Variants in SNX29 observed in about 807,000 individuals in gnomAD.
SNX29 encodes the protein sorting nexin 29, also known as sorting nexin-29.
In SNX29, 78 loss-of-function variants were observed where a neutral mutation model predicts 102.1. The ratio of observed to expected loss-of-function variants is 0.76; its 90% CI spans 0.64 to 0.92. The LOEUF is 0.92. SNX29 is among the 40% of genes least tolerant of loss of function. The pLI is 0.00. For synonymous variants in SNX29, 580 were observed against 414.5 expected (o/e 1.40, Z -4.85); for missense variants, 1,280 against 1,061.7 (o/e 1.21, Z -2.86).
chr16:12,235,070 C>G (rs555027323), intron 14 of SNX29, among the ~76,000 whole-genome samples: 1 of 152,224 alleles, frequency 6.6e-6, no homozygotes, highest in East Asian at 1.9e-4. Context: ...CTGTCTCTGT[C>G]CTGCCCTTAT....
Position 12,572,456 on chromosome 16 carries a change from A to C in SNX29, c.*3827A>C, listed in dbSNP as rs1367088221. ...TGCCTCTCTTGGTTCTGCATGGTAC[A>C]TTTTGCCAACCCTGAGGACCAGTTC... On this transcript the variant is annotated 3_prime_UTR_variant, in exon 21 of 21. Transcript: ENST00000566228. 12 of 1,063,246 alleles carry C rather than the reference A, an allele frequency of 1.1e-5. No homozygotes were observed. The highest frequency in any genetic ancestry group is 4.2e-4 in the Middle Eastern group (1 of 2,406). The allele number at this position is 1,063,246 out of a possible 1,614,324, so 65.9% of individuals were successfully genotyped here. A position where few individuals can be genotyped will look rare whatever the true frequency, so the allele number is the denominator to read the frequency against.
rs1032504932 is a variant in SNX29, at chr16:12,569,960, T to G, written c.*1331T>G. The stretch of plus-strand genomic sequence containing the variant: ...CAGGTGGAAGGTGACGGTTAGATGG[T>G]AAGCCATGGGCTTGTCCTGGAACTG... On this transcript the variant is annotated 3_prime_UTR_variant, in exon 21 of 21. Transcript: ENST00000566228. 1 of 236,158 alleles carries G rather than the reference T, an allele frequency of 4.2e-6. No homozygotes were observed. The highest frequency in any genetic ancestry group is 2.2e-5 in the African/African-American group (1 of 45,352). The allele number at this position is 236,158 out of a possible 1,614,324, so 14.6% of individuals were successfully genotyped here. A position where few individuals can be genotyped will look rare whatever the true frequency, so the allele number is the denominator to read the frequency against.
In SNX29 at chr16:12,568,712, G is replaced by C. The variant is rs2079117815; in HGVS notation, c.*83G>C. On this transcript the variant is annotated 3_prime_UTR_variant, in exon 21 of 21. Coordinates refer to ENST00000566228, the MANE Select transcript of SNX29 (RefSeq NM_032167.5). ...CCACTGCCGCTGGCCCCTCACCTCA[G>C]CGTGACAACCACGTCCACCTGGTGA... The C allele has an allele frequency of 2.6e-6, 4 of 1,544,864 alleles. No homozygotes were observed. Among genetic ancestry groups the C allele is most frequent in the African/African-American group, 1.4e-5 (1 of 73,152 alleles).
At chr16:12,124,935 C>G (rs1390269318) in intron 11 of SNX29, among the ~76,000 whole-genome samples, 1 of 152,206 alleles carries the variant, frequency 6.6e-6, no homozygotes, top group Non-Finnish European at 1.5e-5. Flanking sequence ...AGGAGCGCTG[C>G]TCTGTTTCAC....
chr16:12,295,507 C>T (rs895536373), intron 15 of SNX29, among the ~76,000 whole-genome samples: 2 of 152,170 alleles, frequency 1.3e-5, no homozygotes, highest in African/African-American at 2.4e-5. Flanking sequence ...CTTCCGTTGA[C>T]GAAGGTACAT....
chr16:12,456,544 G>A (rs929443423), intron 18 of SNX29, among the ~76,000 whole-genome samples: 9 of 151,864 alleles, frequency 5.9e-5, no homozygotes, highest in South Asian at 2.1e-4. Flanking sequence ...TGCATCTGGC[G>A]AAAGTGATGT....
rs1287800763 is a variant in SNX29 at position 12,569,880 on chromosome 16, T to C, written c.*1251T>C. The C allele has an allele frequency of 1.7e-5, 4 of 231,446 alleles. No individual in the cohort carries two copies. The highest frequency in any genetic ancestry group is 2.6e-5 in the Non-Finnish European group (3 of 116,942). The allele number at this position is 231,446 out of a possible 1,614,324, so 14.3% of individuals were successfully genotyped here. ...TGAAATGGACTATGCAAGAGTAAGT[T>C]TGTGTGTTTCGCCTTAATCTGAGGC... On this transcript the variant is annotated 3_prime_UTR_variant, in exon 21 of 21. Transcript: ENST00000566228.
At chr16:12,499,145 G>T (rs972545184) in intron 19 of SNX29, among the ~76,000 whole-genome samples, 4 of 152,064 alleles carry the variant, frequency 2.6e-5, no homozygotes, top group Admixed American at 1.3e-4. Context: ...CACAAGTTAG[G>T]GTTCTATATG....
At chr16:12,338,799 C>G (rs779428380) in intron 15 of SNX29, among the ~76,000 whole-genome samples, 12 of 152,048 alleles carry the variant, frequency 7.9e-5, no homozygotes, top group Non-Finnish European at 1.8e-4. Context: ...CACCCCCAGA[C>G]CCACCTTCCA....
chr16:12,213,787 G>A (rs1305324770), intron 14 of SNX29, among the ~76,000 whole-genome samples: 17 of 151,302 alleles, frequency 1.1e-4, no homozygotes, highest in Admixed American at 1.1e-3. Context: ...ACCCTGAACA[G>A]GTAAGCCCCA....
intron 16 of SNX29, among the ~76,000 whole-genome samples, chr16:12,389,687 C>T (rs1295273622): frequency 6.6e-6 from 1 of 152,138 alleles, no homozygotes; most frequent in Non-Finnish European, 1.5e-5. Flanking sequence ...TCCTCCTTAG[C>T]AACTCAGTAG....
intron 18 of SNX29, among the ~76,000 whole-genome samples, chr16:12,440,810 T>C (rs539912568): frequency 6.6e-6 from 1 of 152,370 alleles, no homozygotes; most frequent in South Asian, 2.1e-4. Context: ...ATGGTGTATA[T>C]GTACCACGTT....
At chr16:12,148,662 A>C (rs1232748889) in intron 13 of SNX29, among the ~76,000 whole-genome samples, 3 of 152,100 alleles carry the variant, frequency 2.0e-5, no homozygotes, top group African/African-American at 7.2e-5. Context: ...CTTAAGTTTT[A>C]AGCCTCATGA....
At chr16:12,539,240 C>G (rs1352878559) in intron 20 of SNX29, among the ~76,000 whole-genome samples, 4 of 152,204 alleles carry the variant, frequency 2.6e-5, no homozygotes, top group South Asian at 2.1e-4. Flanking sequence ...TTCCTTCACC[C>G]TAAAAAGCTG....
At chr16:12,526,385 A>G (rs1050671086) in intron 20 of SNX29, among the ~76,000 whole-genome samples, 1 of 152,054 alleles carries the variant, frequency 6.6e-6, no homozygotes, top group African/African-American at 2.4e-5. Flanking sequence ...GCCCTTTGAA[A>G]TTGTCTCCAA....
chr16:12,118,313 CTTTTTTTTTTT>C (rs869186902), intron 11 of SNX29, among the ~76,000 whole-genome samples: 2 of 86,114 alleles, frequency 2.3e-5, no homozygotes, highest in East Asian at 5.3e-4. Flanking sequence ...TACAGACCAC[CTTTTTTTTTTT>C]TTTTTTTTTT....
Position 12,572,958 on chromosome 16 carries a change from C to CAATCAT in SNX29, c.*4331_*4332insTCATAA, listed in dbSNP as rs531712325. 1.8e-4 allele frequency: 118 copies of CAATCAT among 644,538 alleles called. 1 individual carries two copies. The African/African-American group carries it at 2.0e-3, about 11-fold the overall frequency. The allele number at this position is 644,538 out of a possible 1,614,324, so 39.9% of individuals were successfully genotyped here. Reference sequence around the variant, plus strand: ...GCAGGCATCTGCTTATGAGCAAGGTCAAAGATTTTTCAAAATATTGTGCAT... The same window carrying CAATCAT: ...GCAGGCATCTGCTTATGAGCAAGGTCAATCATAAAGATTTTTCAAAATATTGTGCAT... On this transcript the variant is annotated 3_prime_UTR_variant, in exon 21 of 21. Transcript: ENST00000566228.
At chr16:12,284,224 G>A (rs558800869) in intron 15 of SNX29, among the ~76,000 whole-genome samples, 3 of 152,310 alleles carry the variant, frequency 2.0e-5, no homozygotes, top group South Asian at 4.1e-4. Flanking sequence ...CACATGTATC[G>A]CGTGTCAGAC....
chr16:12,373,287 C>T (rs1597125912), intron 16 of SNX29, among the ~76,000 whole-genome samples: 2 of 152,278 alleles, frequency 1.3e-5, no homozygotes, highest in East Asian at 3.9e-4. Context: ...CATGCACCAC[C>T]ACACTTGGCT....
Sources: allele counts gnomAD v4.1 joint callset (sites outside exome capture counted in the v4.1 genomes callset), GRCh38; gene constraint gnomAD v4.1.1; transcripts MANE v1.5; gene names NCBI Gene and HGNC (gene_info 2026-07-23, HGNC 2026-07-21).